NOP2: variants seen among roughly 807,000 people sequenced by gnomAD.
The protein encoded by NOP2 is 28S rRNA (cytosine(4447)-C(5))-methyltransferase.
A neutral mutation model predicts 72.7 loss-of-function variants in NOP2; 7 were observed. That is an observed-to-expected ratio of 0.10 (90% CI 0.05 to 0.18). The LOEUF is 0.18. Ranked by LOEUF, NOP2 falls within the 10% of genes least tolerant of loss-of-function variation. NOP2 has a pLI of 1.00. For synonymous variants in NOP2, 387 were observed against 388.0 expected, an observed-to-expected ratio of 1.00 and a Z score of 0.03; for missense variants, 954 against 1,014.7, an observed-to-expected ratio of 0.94 and a Z score of 0.81.
rs377623108 is a variant in NOP2 at position 6,567,804 on chromosome 12, A to G, written c.103+12T>C. ...AAAGCTGAGGGATCAGGAGGCCACAACTAATCCTTACCTGCAGGCAAGAAT... is the reference window on the plus strand; with the variant it reads ...AAAGCTGAGGGATCAGGAGGCCACAGCTAATCCTTACCTGCAGGCAAGAAT... On this transcript the variant is annotated intron_variant, in intron 2 of 15. Coordinates refer to ENST00000322166, the MANE Select transcript of NOP2 (RefSeq NM_001258308.2). 5.1e-5 allele frequency: 82 copies of G among 1,609,534 alleles called. 2 individuals carry two copies. Among genetic ancestry groups the G allele is most frequent in the African/African-American group, 4.9e-4 (37 of 74,974 alleles).
chr12:6,564,763 T>C (rs1455739255), intron 5 of NOP2, among the ~76,000 whole-genome samples: 10 of 150,604 alleles, frequency 6.6e-5, no homozygotes, highest in Non-Finnish European at 1.3e-4. Flanking sequence ...TTACTTACTC[T>C]GTATTTTTCA....
chr12:6,557,672 G>A (rs1348029520), intron 15 of NOP2, 30 bp from the exon 16 acceptor site: 1 of 1,569,586 alleles, frequency 6.4e-7, no homozygotes, highest in East Asian at 2.3e-5. Context: ...GATGGTGTCA[G>A]AAAATGGGCC....
intron 5 of NOP2, chr12:6,564,188 A>C (rs1322779133): frequency 7.5e-6 from 9 of 1,195,970 alleles, no homozygotes; most frequent in Non-Finnish European, 1.0e-5. Context: ...AGGCAGGAGA[A>C]TTGCTTGAAC....
chr12:6,564,932 A>G (rs1947740241), intron 5 of NOP2, among the ~76,000 whole-genome samples: 1 of 152,102 alleles, frequency 6.6e-6, no homozygotes, highest in Non-Finnish European at 1.5e-5. Context: ...TTTTGGCATT[A>G]TGATCCACAT....
At chr12:6,562,899 C>T (rs1445521292) in intron 9 of NOP2, among the ~76,000 whole-genome samples, 182 bp downstream of exon 9, 1 of 152,132 alleles carries the variant, frequency 6.6e-6, no homozygotes, top group African/African-American at 2.4e-5. Flanking sequence ...CTTCCCATTC[C>T]ACAGAGGTCC....
In NOP2 at chr12:6,560,243, C is replaced by T; in HGVS notation, c.1644G>A (p.Gln548=). The change falls in exon 15 of 16, where the codon CAG becomes CAA. Residue 548 remains glutamine, a synonymous_variant. Transcript: ENST00000322166. This position sits in a 1 kb window ranked among gnomAD's most constrained non-coding sequence, Gnocchi z 5.0. ...TTTCTCGAAAGCGGGTAAAACCTTC[C>T]TGGCCAAAGTCTAGGCCCGTGGGCA... ...RLVPTGLDFG[Q]EGFTRFRERR... is the part of the protein sequence containing the mutation. 6.2e-7 allele frequency: 1 copy of T among 1,613,958 alleles called. No homozygotes were observed. Among genetic ancestry groups the T allele is most frequent in the Non-Finnish European group, 8.5e-7 (1 of 1,179,890 alleles).
chr12:6,562,275 G>T (rs1307945859), intron 9 of NOP2, among the ~76,000 whole-genome samples: 1 of 152,172 alleles, frequency 6.6e-6, no homozygotes, highest in East Asian at 1.9e-4. Context: ...CAGGCGTTGA[G>T]TCACCGCGCC....
chr12:6,567,636 A>G (rs996172545), intron 2 of NOP2, 180 bp downstream of exon 2: 9 of 530,604 alleles, frequency 1.7e-5, no homozygotes, highest in African/African-American at 1.4e-4. Context: ...GTGTCTTCAC[A>G]TCTCTACGAC....
rs1414586907 is a variant in NOP2 at position 6,561,211 on chromosome 12, G to C, written c.1208-141C>G. On this transcript the variant is annotated intron_variant, in intron 11 of 15. Coordinates refer to ENST00000322166, the MANE Select transcript of NOP2 (RefSeq NM_001258308.2). ...TCCCAACAAGCCTGCCTACTGTATA[G>C]GCTGATCCACTCTGCACTAGCCCCT... is the stretch of plus-strand genomic sequence containing the variant. 3.7e-5 allele frequency: 37 copies of C among 1,000,410 alleles called. No individual in the cohort carries two copies. In the South Asian group the frequency reaches 4.0e-4, roughly 11 times the overall value. The allele number at this position is 1,000,410 out of a possible 1,614,324, so 62.0% of individuals were successfully genotyped here.
intron 15 of NOP2, among the ~76,000 whole-genome samples, chr12:6,558,714 G>A (rs1179862186): frequency 2.6e-5 from 4 of 151,000 alleles, no homozygotes; most frequent in Non-Finnish European, 5.9e-5. Context: ...GGGCTCAAGG[G>A]ATCCTCCTAC....
At position 6,560,812 on chromosome 12, in the gene NOP2, A is replaced by G. The variant is rs187519552; in HGVS notation, c.1348-25T>C. On this transcript the variant is annotated intron_variant, in intron 12 of 15. Transcript: ENST00000322166. The surrounding 1 kb of genome is among the most constrained non-coding windows in gnomAD (Gnocchi z 5.0). ...CCTGGAGAAAAGATACAGATGAATC[A>G]TATGTCTCTTCTGCAACCAGCAGGG... is the stretch of plus-strand genomic sequence containing the variant. 35 of 1,610,314 alleles carry G rather than the reference A, an allele frequency of 2.2e-5. No individual in the cohort carries two copies. Among genetic ancestry groups the G allele is most frequent in the South Asian group, 3.3e-5 (3 of 90,412 alleles).
Position 6,557,508 on chromosome 12 carries a change from G to A in NOP2, c.1924C>T (p.Pro642Ser), listed in dbSNP as rs776171806. ...AGCTTCTGGAAGGAGGCCTTCTTGG[G>A]ATGTTGCTGTTTCTGCAGCTGCTGC... is the stretch of plus-strand genomic sequence containing the variant. Reference protein sequence around the residue: ...TKQQLQKQQHPKKASFQKLNG... With the variant: ...TKQQLQKQQHSKKASFQKLNG... The change falls in exon 16 of 16, where the codon CCC (proline) becomes TCC (serine). Residue 642 changes from proline (P) to serine (S), a missense_variant. This residue lies in a region of NOP2 where 269 missense variants were observed against 260.2 expected (regional missense o/e 1.03). Coordinates refer to ENST00000322166, the MANE Select transcript of NOP2 (RefSeq NM_001258308.2). The A allele has an allele frequency of 1.9e-6, 3 of 1,613,898 alleles. No individual in the cohort carries two copies. The highest frequency in any genetic ancestry group is 3.3e-5 in the Admixed American group (2 of 60,020).
intron 5 of NOP2, among the ~76,000 whole-genome samples, chr12:6,564,741 T>TC: frequency 6.6e-6 from 1 of 151,442 alleles, no homozygotes; most frequent in East Asian, 1.9e-4. Context: ...TTTTGTCGTT[T>TC]TTTTTTTTTT....
chr12:6,566,611 G>T lies in NOP2; in HGVS notation c.156C>A (p.Ala52=), dbSNP rs761523949. 2 of 1,613,672 alleles carry T rather than the reference G, an allele frequency of 1.2e-6. No homozygotes were observed. The highest frequency in any genetic ancestry group is 1.7e-6 in the Non-Finnish European group (2 of 1,179,666). The change falls in exon 4 of 16, where the codon GCC becomes GCA. Residue 52 remains alanine, a synonymous_variant. Coordinates refer to ENST00000322166, the MANE Select transcript of NOP2 (RefSeq NM_001258308.2). ...RLSSRARKRA[A]KRRLGSVEAP... ...CTTCAACAGAGCCCAATCTCCTCTT[G>T]GCTGCCCTGAAAAGACACAAGAGAT...
chr12:6,556,881 A>T lies in NOP2; in HGVS notation c.*112T>A, dbSNP rs200554885. On this transcript the variant is annotated 3_prime_UTR_variant, in exon 16 of 16. Transcript: ENST00000322166. ...AAAATACTCAGTGGCCAGAGGTTTT[A>T]AAATGTGTATTAAATTTCATGGGTA... The T allele has an allele frequency of 1.9e-3, 2,431 of 1,293,616 alleles. 6 individuals carry two copies. The highest frequency in any genetic ancestry group is 3.8e-3 in the South Asian group (278 of 72,898). The allele number at this position is 1,293,616 out of a possible 1,614,324, so 80.1% of individuals were successfully genotyped here.
At chr12:6,564,089 T>C (rs971189228) in intron 5 of NOP2, 143 bp from the exon 6 acceptor site, 3 of 1,524,164 alleles carry the variant, frequency 2.0e-6, no homozygotes, top group Non-Finnish European at 2.6e-6. Context: ...GAAATGAAAA[T>C]AAGATGGGCG....
intron 15 of NOP2, among the ~76,000 whole-genome samples, 160 bp from the exon 16 acceptor site, chr12:6,557,802 A>G (rs956988054): frequency 1.3e-5 from 2 of 152,220 alleles, no homozygotes; most frequent in Non-Finnish European, 2.9e-5. Flanking sequence ...ATTACTTAAT[A>G]TAACTTGGCC....
At chr12:6,566,398 G>A (rs939264524) in intron 4 of NOP2, 62 bp from the exon 5 acceptor site, 2 of 1,514,040 alleles carry the variant, frequency 1.3e-6, no homozygotes, top group South Asian at 1.1e-5. Context: ...CACACCCTGG[G>A]AGCCTGTACT....
rs1319564211 is a variant in NOP2 at position 6,561,638 on chromosome 12, A to AT, written c.1207+25dup. On this transcript the variant is annotated intron_variant, in intron 11 of 15. Transcript: ENST00000322166. ...TTTCAAAAGCAAGACAGCCCGATGA[A>AT]TCCCACCTGCCTGCCCCTCTCATAC... is the stretch of plus-strand genomic sequence containing the variant. The AT allele has an allele frequency of 5.0e-6, 8 of 1,608,684 alleles. No homozygotes were observed. The African/African-American group carries it at 1.1e-4, about 21-fold the overall frequency.
Sources: allele counts gnomAD v4.1 joint callset (sites outside exome capture counted in the v4.1 genomes callset), GRCh38; gene constraint gnomAD v4.1.1; regional missense constraint gnomAD v4.1.1; non-coding constraint Gnocchi (gnomAD v3.1); transcripts MANE v1.5; gene names NCBI Gene and HGNC (gene_info 2026-07-23, HGNC 2026-07-21).